Variants in LRTM1 observed in about 807,000 individuals in gnomAD.
LRTM1 encodes the protein leucine-rich repeat and transmembrane domain-containing protein 1.
In LRTM1, 38 loss-of-function variants were observed where a neutral mutation model predicts 32.4. The ratio of observed to expected loss-of-function variants is 1.17; its 90% CI spans 0.91 to 1.54. LRTM1 has a LOEUF of 1.54. Among genes scored for constraint, LRTM1 ranks in the 40% most tolerant of loss-of-function variants. The pLI, the probability that LRTM1 is intolerant of heterozygous loss-of-function variation, is 0.00. For missense variants in LRTM1, 466 were observed against 415.4 expected (o/e 1.12, Z -1.06); for synonymous variants, 186 against 169.9 (o/e 1.09, Z -0.74).
chr3:54,963,458 G>A (rs566007353), intron 1 of LRTM1, among the ~76,000 whole-genome samples: 4 of 152,140 alleles, frequency 2.6e-5, no homozygotes, highest in Admixed American at 1.3e-4. Context: ...CTGTGGCTAC[G>A]GAGCACTTGA....
chr3:54,938,710 A>C (rs1443595857), intron 1 of LRTM1, among the ~76,000 whole-genome samples: 6 of 152,006 alleles, frequency 3.9e-5, no homozygotes, highest in Admixed American at 3.9e-4. Flanking sequence ...GATAAAAATA[A>C]ATTTTTATTT....
chr3:54,945,566 T>C (rs1055803282), intron 1 of LRTM1, among the ~76,000 whole-genome samples: 3 of 152,084 alleles, frequency 2.0e-5, no homozygotes, highest in Non-Finnish European at 4.4e-5. Flanking sequence ...TCCCACTTAT[T>C]AGCACCATAA....
At chr3:54,937,696 A>G (rs1414089358) in intron 1 of LRTM1, among the ~76,000 whole-genome samples, 2 of 152,154 alleles carry the variant, frequency 1.3e-5, no homozygotes, top group Non-Finnish European at 2.9e-5. Flanking sequence ...TGAAATCTGA[A>G]GTACTAGCCA....
Position 54,919,015 on chromosome 3 carries a change from G to A in LRTM1, c.605-123C>T, listed in dbSNP as rs574197693. 3.2e-5 allele frequency: 24 copies of A among 743,874 alleles called. No individual in the cohort carries two copies. In the East Asian group the frequency reaches 7.1e-4, roughly 22 times the overall value. 46.1% of individuals were successfully genotyped at this position (743,874 alleles called of 1,614,324 possible). ...AGTACCTTTTTTTTTTTTAAATCCT[G>A]GAGTCAAAGAATTTAACAACCATAT... On this transcript the variant is annotated intron_variant, in intron 2 of 2. Coordinates refer to ENST00000273286, the MANE Select transcript of LRTM1 (RefSeq NM_020678.4).
upstream of LRTM1, among the ~76,000 whole-genome samples, chr3:54,931,244 C>T: frequency 6.6e-6 from 1 of 152,212 alleles, no homozygotes; most frequent in Non-Finnish European, 1.5e-5. Context: ...CTGGCAACAT[C>T]TGCTTACTGC....
intron 1 of LRTM1, among the ~76,000 whole-genome samples, chr3:54,945,233 T>C (rs1367380126): frequency 6.6e-6 from 1 of 152,220 alleles, no homozygotes; most frequent in East Asian, 1.9e-4. Flanking sequence ...TTGGTGTCTG[T>C]GGCATGTGCA....
In LRTM1 at chr3:54,959,702, G is replaced by A. The variant is rs529450439; in HGVS notation, c.-222+7226C>T. 2.0e-5 allele frequency among the ~76,000 whole-genome samples: 3 copies of A among 152,200 alleles called. No homozygotes were observed. In the East Asian group the frequency reaches 5.8e-4, roughly 29 times the overall value. On this transcript the variant is annotated intron_variant, in intron 1 of 2. Transcript: ENST00000493075. Reference sequence around the variant, plus strand: ...CTGATTAAAATACAATGAAGCCCGAGGCTTAAATGTTTTCTTCTGAAAGGT... The same window carrying A: ...CTGATTAAAATACAATGAAGCCCGAAGCTTAAATGTTTTCTTCTGAAAGGT...
chr3:54,958,407 G>A (rs1163925141), intron 1 of LRTM1, among the ~76,000 whole-genome samples: 1 of 151,964 alleles, frequency 6.6e-6, no homozygotes, highest in African/African-American at 2.4e-5. Flanking sequence ...TTTTTAAAGA[G>A]TATTTTTAGG....
chr3:54,944,909 G>C (rs535362806), intron 1 of LRTM1, among the ~76,000 whole-genome samples: 1 of 151,762 alleles, frequency 6.6e-6, no homozygotes, highest in Non-Finnish European at 1.5e-5. Flanking sequence ...CAAGGTGAAG[G>C]CTCTCCCCAA....
intron 1 of LRTM1, among the ~76,000 whole-genome samples, chr3:54,965,203 A>G (rs910621692): frequency 1.3e-5 from 2 of 151,584 alleles, no homozygotes; most frequent in East Asian, 3.9e-4. Flanking sequence ...TTATTTACAA[A>G]AAGAGGCTGG....
chr3:54,953,705 C>T (rs1324302012), intron 1 of LRTM1, among the ~76,000 whole-genome samples: 1 of 152,200 alleles, frequency 6.6e-6, no homozygotes, highest in East Asian at 1.9e-4. Flanking sequence ...GTTGTTTCCC[C>T]CTTGCCTGTG....
chr3:54,951,713 T>C (rs1701762610), intron 1 of LRTM1, among the ~76,000 whole-genome samples: 1 of 152,218 alleles, frequency 6.6e-6, no homozygotes, highest in African/African-American at 2.4e-5. Context: ...CCGTGTACCT[T>C]TTCTTTAATG....
chr3:54,926,948 C>T (rs1701040354), intron 1 of LRTM1, among the ~76,000 whole-genome samples: 1 of 152,176 alleles, frequency 6.6e-6, no homozygotes, highest in Non-Finnish European at 1.5e-5. Flanking sequence ...ACCAAAGTAG[C>T]TGTAACACTC....
intron 1 of LRTM1, among the ~76,000 whole-genome samples, chr3:54,934,856 C>A (rs182050006): frequency 6.6e-6 from 1 of 152,070 alleles, no homozygotes; most frequent in Non-Finnish European, 1.5e-5. Flanking sequence ...CTCAGCCTCC[C>A]GAGTAGCTGG....
Position 54,925,006 on chromosome 3 carries a change from C to G in LRTM1, c.217G>C (p.Val73Leu). ...AAGTTTAAGGTCATGAGCCATGGCACTGACCTAAATGCAAAAGCAGGAAGA... is the reference window on the plus strand; with the variant it reads ...AAGTTTAAGGTCATGAGCCATGGCAGTGACCTAAATGCAAAAGCAGGAAGA... ...HHLPAFAFRS[V>L]PWLMTLNLSN... is the part of the protein sequence containing the mutation. The change falls in exon 2 of 3, where the codon GTG becomes CTG. Residue 73 changes from valine to leucine, a missense_variant. Val to Leu is a conservative substitution (Grantham distance 32). Transcript: ENST00000273286. 1 of 1,614,090 alleles carries G rather than the reference C, an allele frequency of 6.2e-7. No homozygotes were observed. The highest frequency in any genetic ancestry group is 1.3e-5 in the African/African-American group (1 of 75,042).
chr3:54,943,594 G>GA (rs1265566669), intron 1 of LRTM1, among the ~76,000 whole-genome samples: 1 of 152,030 alleles, frequency 6.6e-6, no homozygotes, highest in Non-Finnish European at 1.5e-5. Flanking sequence ...CCCTGGATTA[G>GA]AAAATCCCCT....
intron 1 of LRTM1, among the ~76,000 whole-genome samples, chr3:54,945,991 C>T (rs1187376660): frequency 2.0e-5 from 3 of 152,200 alleles, no homozygotes; most frequent in Non-Finnish European, 4.4e-5. Flanking sequence ...CGCTTATTCG[C>T]CTAGCTCTTT....
At chr3:54,932,373 G>A (rs149664366), upstream of LRTM1, among the ~76,000 whole-genome samples, 27 of 152,188 alleles carry the variant, frequency 1.8e-4, no homozygotes, top group Admixed American at 7.8e-4. Context: ...GTCTGAAAAT[G>A]GAATAAGTGG....
chr3:54,938,797 G>C (rs1701389972), intron 1 of LRTM1, among the ~76,000 whole-genome samples: 1 of 152,206 alleles, frequency 6.6e-6, no homozygotes. Context: ...CATTTGCACA[G>C]GAAACCCATG....
Sources: allele counts gnomAD v4.1 joint callset (sites outside exome capture counted in the v4.1 genomes callset), GRCh38; gene constraint gnomAD v4.1.1; transcripts MANE v1.5; gene names NCBI Gene and HGNC (gene_info 2026-07-23, HGNC 2026-07-21).